Variants in MAP2K3 observed in about 807,000 individuals in gnomAD.
MAP2K3 encodes the protein mitogen-activated protein kinase kinase 3, also known as dual specificity mitogen-activated protein kinase kinase 3.
A neutral mutation model predicts 46.4 loss-of-function variants in MAP2K3; 30 were observed. That is an observed-to-expected ratio of 0.65 (90% CI 0.48 to 0.88). The LOEUF (loss-of-function observed/expected upper bound fraction) is 0.88, where lower values mean the gene tolerates loss of function less well. MAP2K3 is among the 40% of genes least tolerant of loss of function. The pLI, the probability that MAP2K3 is intolerant of heterozygous loss-of-function variation, is 0.00. For synonymous variants in MAP2K3, 189 were observed against 176.3 expected (o/e 1.07, Z -0.57); for missense variants, 380 against 464.5 (o/e 0.82, Z 1.67).
rs1312601758 is a variant in MAP2K3 at position 21,303,204 on chromosome 17, C to CT, written c.539dup (p.His181AlafsTer28). 1 of 1,614,248 alleles carries CT rather than the reference C, an allele frequency of 6.2e-7. No homozygotes were observed. Reference sequence around the variant, plus strand: ...CCAGATCGTGCGGGCCCTGGAGCATCTGCACAGCAAGCTGTCGGTGATCCA... The same window carrying CT: ...CCAGATCGTGCGGGCCCTGGAGCATCTTGCACAGCAAGCTGTCGGTGATCCA... On this transcript the variant is annotated frameshift_variant, in exon 7 of 12. Transcript: ENST00000342679. LOFTEE classifies it high-confidence loss of function.
chr17:21,305,347 G>T, intron 9 of MAP2K3, among the ~76,000 whole-genome samples: 1 of 152,298 alleles, frequency 6.6e-6, no homozygotes, highest in East Asian at 1.9e-4. Context: ...TGGGTGCTTT[G>T]TGATATGGTG....
chr17:21,304,819 G>A lies in MAP2K3; in HGVS notation c.697-232G>A, dbSNP rs1295757805. Among the ~76,000 whole-genome samples, 17 of 152,418 alleles carry A rather than the reference G, an allele frequency of 1.1e-4. No individual in the cohort carries two copies. In the South Asian group the frequency reaches 2.9e-3, roughly 26 times the overall value. ...GACACTGGTGGGCTGTGCAGGTCCCGCCCCGCCCTCATTGTCAGGAGGGCC... is the reference window on the plus strand; with the variant it reads ...GACACTGGTGGGCTGTGCAGGTCCCACCCCGCCCTCATTGTCAGGAGGGCC... On this transcript the variant is annotated intron_variant, in intron 8 of 11. Transcript: ENST00000342679.
chr17:21,285,246 G>A (rs1298814821), intron 1 of MAP2K3: 1 of 985,290 alleles, frequency 1.0e-6, no homozygotes, highest in Non-Finnish European at 1.2e-6. Context: ...CAAGTCAGGA[G>A]CCTCATTCTG....
intron 5 of MAP2K3, among the ~76,000 whole-genome samples, chr17:21,301,338 C>T (rs1278034104): frequency 3.3e-5 from 5 of 152,306 alleles, no homozygotes; most frequent in African/African-American, 1.2e-4. Context: ...GGTGCCCAAG[C>T]AGGCAACGGC....
In MAP2K3 at chr17:21,300,771, G is replaced by A. The variant is rs552842192; in HGVS notation, c.280-103G>A. ...ATCAGTACCGAGGCTAGGCTTTTTGGGGCACACTGGGCAGTGGCCCCCTGA... is the reference window on the plus strand; with the variant it reads ...ATCAGTACCGAGGCTAGGCTTTTTGAGGCACACTGGGCAGTGGCCCCCTGA... On this transcript the variant is annotated intron_variant, in intron 4 of 11. Transcript: ENST00000342679. The A allele has an allele frequency of 1.1e-5, 17 of 1,608,308 alleles. No homozygotes were observed. In the African/African-American group the frequency reaches 2.1e-4, roughly 20 times the overall value.
chr17:21,291,912 C>T (rs1464214472), intron 1 of MAP2K3, among the ~76,000 whole-genome samples: 1 of 152,310 alleles, frequency 6.6e-6, no homozygotes, highest in Admixed American at 6.5e-5. Flanking sequence ...CCCCTTCACC[C>T]GTTCATAGGA....
At chr17:21,313,956 A>G (rs1977287662) in intron 11 of MAP2K3, 191 bp from the exon 12 acceptor site, 2 of 625,818 alleles carry the variant, frequency 3.2e-6, no homozygotes, top group Non-Finnish European at 2.9e-6. Context: ...AGTGACCACA[A>G]GAGAGCTGAG....
At chr17:21,286,963 C>T (rs1402586467) in intron 1 of MAP2K3, among the ~76,000 whole-genome samples, 1 of 152,220 alleles carries the variant, frequency 6.6e-6, no homozygotes, top group Non-Finnish European at 1.5e-5. Flanking sequence ...TTTCCATGTG[C>T]CATGCATTTT....
Position 21,300,580 on chromosome 17 carries a change from C to T in MAP2K3, c.201C>T (p.Ile67=). 6.2e-7 allele frequency: 1 copy of T among 1,613,034 alleles called. No individual in the cohort carries two copies. Among genetic ancestry groups the T allele is most frequent in the Non-Finnish European group, 8.5e-7 (1 of 1,179,584 alleles). Residue 67 remains isoleucine (I), a synonymous_variant, in exon 4 of 12, where the codon ATC becomes ATT. Transcript: ENST00000342679. ...FEVEADDLVT[I]SELGRGAYGV... is the part of the protein sequence containing the mutation. ...TGGAGGCTGATGACTTGGTGACCAT[C>T]TCAGAACTGGGCCGTGGAGCCTATG...
chr17:21,285,022 G>A (rs1975686435), intron 1 of MAP2K3, 53 bp downstream of exon 1: 1 of 1,576,746 alleles, frequency 6.3e-7, no homozygotes, highest in Non-Finnish European at 8.6e-7. Context: ...ATCTGGGGCC[G>A]GGCTGCAAAC....
chr17:21,292,416 C>G (rs867181799), intron 1 of MAP2K3, among the ~76,000 whole-genome samples: 271 of 151,948 alleles, frequency 1.8e-3, no homozygotes, highest in South Asian at 0.015. Flanking sequence ...CAGTGTCTTG[C>G]TCTGTTGCCC....
intron 1 of MAP2K3, among the ~76,000 whole-genome samples, chr17:21,298,138 G>T (rs1005995703): frequency 1.3e-5 from 2 of 152,310 alleles, no homozygotes; most frequent in Non-Finnish European, 2.9e-5. Flanking sequence ...GAGGCCCAGG[G>T]AGGTACTCAA....
chr17:21,292,332 C>T (rs1975986540), intron 1 of MAP2K3, among the ~76,000 whole-genome samples: 1 of 152,310 alleles, frequency 6.6e-6, no homozygotes, highest in Non-Finnish European at 1.5e-5. Flanking sequence ...AAGGCAGTCT[C>T]TTGTTTCTCC....
rs1486227430 is a variant in MAP2K3, at chr17:21,300,563, G to A, written c.184G>A (p.Asp62Asn). 2 of 1,612,052 alleles carry A rather than the reference G, an allele frequency of 1.2e-6. No individual in the cohort carries two copies. The highest frequency in any genetic ancestry group is 1.7e-6 in the Non-Finnish European group (2 of 1,179,156). The change falls in exon 4 of 12, where the codon GAT becomes AAT. Residue 62 changes from aspartate to asparagine, a missense_variant. By Grantham distance (23) the Asp-to-Asn change is conservative. Transcript: ENST00000342679. ...IGDRNFEVEA[D>N]DLVTISELGR... Reference sequence around the variant, plus strand: ...CTTCAAGAACTTTGAGGTGGAGGCTGATGACTTGGTGACCATCTCAGAACT... The same window carrying A: ...CTTCAAGAACTTTGAGGTGGAGGCTAATGACTTGGTGACCATCTCAGAACT...
At chr17:21,304,207 C>T (rs1976762159) in intron 7 of MAP2K3, among the ~76,000 whole-genome samples, 1 of 152,312 alleles carries the variant, frequency 6.6e-6, no homozygotes, top group Admixed American at 6.5e-5. Flanking sequence ...CCTGGCTGTT[C>T]CCTGAGGACC....
chr17:21,292,971 G>T (rs1221788253), intron 1 of MAP2K3, among the ~76,000 whole-genome samples: 2 of 152,312 alleles, frequency 1.3e-5, no homozygotes, highest in African/African-American at 4.8e-5. Context: ...GATCACATTA[G>T]TACCTGCCTC....
intron 2 of MAP2K3, 138 bp downstream of exon 2, chr17:21,298,617 C>A: frequency 7.1e-7 from 1 of 1,409,048 alleles, no homozygotes; most frequent in Non-Finnish European, 1.0e-6. Context: ...GTGCATACAG[C>A]CAGGTGACGG....
chr17:21,289,134 G>C (rs1320628805), intron 1 of MAP2K3, among the ~76,000 whole-genome samples: 1 of 152,200 alleles, frequency 6.6e-6, no homozygotes, highest in Non-Finnish European at 1.5e-5. Flanking sequence ...CTTGGCTGTA[G>C]GGTCCTTTCA....
intron 1 of MAP2K3, among the ~76,000 whole-genome samples, chr17:21,293,249 G>A (rs1207922358): frequency 3.3e-5 from 5 of 152,312 alleles, no homozygotes; most frequent in South Asian, 2.1e-4. Context: ...GCCACCTGCT[G>A]TGGGCCCCCT....
Sources: gnomAD v4.1 joint callset for allele counts (sites outside exome capture counted in the v4.1 genomes callset) on GRCh38, gnomAD v4.1.1 for gene constraint, MANE v1.5 for transcripts, NCBI Gene and HGNC (gene_info 2026-07-23, HGNC 2026-07-21) for gene names.